The following PDE3A variants were observed in gnomAD, a reference collection of about 807,000 sequenced individuals.
PDE3A encodes cGMP-inhibited 3',5'-cyclic phosphodiesterase 3A.
Under a neutral mutation model 98.3 loss-of-function variants are expected in PDE3A, and 43 were observed. The observed-to-expected ratio is 0.44, with a 90% CI of 0.34 to 0.56. The LOEUF (loss-of-function observed/expected upper bound fraction) is 0.56, where lower values mean the gene tolerates loss of function less well. PDE3A is among the 20% of genes least tolerant of loss of function. The probability of loss-of-function intolerance (pLI) is 0.01; values close to 1 mark genes in which losing one functional copy is unlikely to be tolerated. For missense variants in PDE3A, 1,427 were observed against 1,440.7 expected, an observed-to-expected ratio of 0.99 and a Z score of 0.15; for synonymous variants, 663 against 567.9, an observed-to-expected ratio of 1.17 and a Z score of -2.38.
intron 2 of PDE3A, among the ~76,000 whole-genome samples, chr12:20,607,736 G>A (rs1943747585): frequency 6.6e-6 from 1 of 151,728 alleles, no homozygotes; most frequent in African/African-American, 2.4e-5. Flanking sequence ...TAAAGGAAAA[G>A]ATTTGTTTGA....
intron 10 of PDE3A, among the ~76,000 whole-genome samples, chr12:20,643,617 G>A (rs1011965212): frequency 7.9e-5 from 2 of 25,210 alleles, no homozygotes; most frequent in African/African-American, 1.0e-4. Context: ...GCTGGATTTG[G>A]TTAGTGATTT....
chr12:20,485,503 T>A (rs1453280055), intron 1 of PDE3A, among the ~76,000 whole-genome samples: 1 of 152,188 alleles, frequency 6.6e-6, no homozygotes, highest in Non-Finnish European at 1.5e-5. Flanking sequence ...TGTCCTTTTT[T>A]GATTAGTGTT....
chr12:20,474,062 T>G (rs1017768298), intron 1 of PDE3A, among the ~76,000 whole-genome samples: 2 of 152,192 alleles, frequency 1.3e-5, no homozygotes, highest in African/African-American at 4.8e-5. Context: ...AGAATCAAAG[T>G]ACACTCCAAA....
chr12:20,423,206 T>C (rs1450248084), intron 1 of PDE3A, among the ~76,000 whole-genome samples: 3 of 152,206 alleles, frequency 2.0e-5, no homozygotes, highest in African/African-American at 7.2e-5. Flanking sequence ...GATGTAAAAT[T>C]GAGCCCAATA....
At chr12:20,386,184 AATAT>A (rs1193219967) in intron 1 of PDE3A, among the ~76,000 whole-genome samples, 1 of 94,532 alleles carries the variant, frequency 1.1e-5, no homozygotes, top group African/African-American at 4.4e-5. Flanking sequence ...AATATATATA[AATAT>A]ATATAAATAT....
intron 1 of PDE3A, among the ~76,000 whole-genome samples, chr12:20,421,570 T>C (rs1944511898): frequency 6.6e-6 from 1 of 150,964 alleles, no homozygotes; most frequent in Admixed American, 6.6e-5. Flanking sequence ...CTTGTACCTG[T>C]GTGTACTCCT....
At position 20,621,393 on chromosome 12, in the gene PDE3A, A is replaced by T; in HGVS notation, c.1522A>T (p.Lys508Ter). 2 of 1,606,168 alleles carry T rather than the reference A, an allele frequency of 1.2e-6. No homozygotes were observed. Among genetic ancestry groups the T allele is most frequent in the Non-Finnish European group, 1.7e-6 (2 of 1,172,974 alleles). The change falls in exon 5 of 16, where the codon AAA (lysine) becomes TAA (stop). Residue 508 changes from lysine to a stop codon, truncating the protein, a stop_gained. Transcript: ENST00000359062. LOFTEE classifies it high-confidence loss of function. ...AISAANHVKA[K>*]KQSRPGALAK... ...TTCTGCAGCTAACCATGTAAAGGCT[A>T]AAAAGCAAAGTCGACCAGGTAAGTA...
chr12:20,638,655 G>A (rs2121513489), intron 9 of PDE3A, among the ~76,000 whole-genome samples: 1 of 152,274 alleles, frequency 6.6e-6, no homozygotes, highest in Non-Finnish European at 1.5e-5. Context: ...GCAACTTTGA[G>A]GGAGTGATCT....
chr12:20,561,675 C>G (rs1237962200), intron 2 of PDE3A, among the ~76,000 whole-genome samples: 1 of 151,898 alleles, frequency 6.6e-6, no homozygotes, highest in Non-Finnish European at 1.5e-5. Context: ...GTTAAGCTTC[C>G]CCTGGCTTCT....
rs11045201 is a variant in PDE3A, at chr12:20,386,229, A to T, written c.960+15985A>T. 9.1e-4 allele frequency among the ~76,000 whole-genome samples: 99 copies of T among 108,492 alleles called. 4 individuals carry two copies. The highest frequency in any genetic ancestry group is 2.3e-3 in the African/African-American group (61 of 26,728). 71.2% of individuals were successfully genotyped at this position (108,492 alleles called of 152,430 possible). ...AATATATATAAATATATAAAAAATAAAAATATAAATATAAATATATTAATT... is the reference window on the plus strand; with the variant it reads ...AATATATATAAATATATAAAAAATATAAATATAAATATAAATATATTAATT... On this transcript the variant is annotated intron_variant, in intron 1 of 15. Coordinates refer to ENST00000359062, the MANE Select transcript of PDE3A (RefSeq NM_000921.5).
chr12:20,537,364 T>C (rs1296814809), intron 1 of PDE3A, among the ~76,000 whole-genome samples: 1 of 152,138 alleles, frequency 6.6e-6, no homozygotes, highest in Non-Finnish European at 1.5e-5. Flanking sequence ...TTGTATTGTC[T>C]TTTCACTTTC....
At chr12:20,653,913 G>A in intron 14 of PDE3A, 34 bp from the exon 15 acceptor site, 8 of 1,603,004 alleles carry the variant, frequency 5.0e-6, no homozygotes, top group Non-Finnish European at 6.8e-6. Context: ...CAGATGCCAG[G>A]TGAATGTTGA....
At chr12:20,371,303 C>T (rs545449306) in intron 1 of PDE3A, 1 of 973,542 alleles carries the variant, frequency 1.0e-6, no homozygotes, top group East Asian at 1.1e-4. Flanking sequence ...GTATGCCTCC[C>T]TAGTTGAAGC....
intron 2 of PDE3A, among the ~76,000 whole-genome samples, chr12:20,557,759 A>G (rs1346283972): frequency 2.6e-5 from 4 of 152,152 alleles, no homozygotes; most frequent in Non-Finnish European, 5.9e-5. Context: ...TATCAATTTG[A>G]TTAGTAAATA....
At chr12:20,498,173 T>C (rs1409551697) in intron 1 of PDE3A, among the ~76,000 whole-genome samples, 1 of 152,156 alleles carries the variant, frequency 6.6e-6, no homozygotes, top group Non-Finnish European at 1.5e-5. Flanking sequence ...ACTATACCTA[T>C]GTTGTTAAAG....
intron 1 of PDE3A, among the ~76,000 whole-genome samples, chr12:20,519,980 G>C (rs1468547742): frequency 7.2e-5 from 11 of 152,156 alleles, no homozygotes. Flanking sequence ...TCATTTCAAT[G>C]ATGATGCAGC....
At chr12:20,603,730 T>A (rs1943648864) in intron 2 of PDE3A, among the ~76,000 whole-genome samples, 1 of 152,180 alleles carries the variant, frequency 6.6e-6, no homozygotes, top group Admixed American at 6.5e-5. Context: ...ATAATGATAA[T>A]GTTGGTGATG....
intron 15 of PDE3A, 81 bp from the exon 16 acceptor site, chr12:20,679,949 T>C (rs942889963): frequency 2.8e-6 from 2 of 712,868 alleles, no homozygotes; most frequent in Non-Finnish European, 4.2e-6. Context: ...TCCTCTTAAT[T>C]ATCTGAAAAG....
At chr12:20,535,664 G>A (rs1941730360) in intron 1 of PDE3A, among the ~76,000 whole-genome samples, 1 of 152,028 alleles carries the variant, frequency 6.6e-6, no homozygotes, top group African/African-American at 2.4e-5. Context: ...GTTTTGATAT[G>A]CTTACATATT....
Sources: allele counts gnomAD v4.1 joint callset (sites outside exome capture counted in the v4.1 genomes callset), GRCh38; gene constraint gnomAD v4.1.1; transcripts MANE v1.5; gene names NCBI Gene and HGNC (gene_info 2026-07-23, HGNC 2026-07-21).